Variants in SLC9B2 observed in about 807,000 individuals in gnomAD.
SLC9B2 encodes the protein solute carrier family 9 member B2, also known as sodium/hydrogen exchanger 9B2.
A neutral mutation model predicts 52.2 loss-of-function variants in SLC9B2; 39 were observed. That is an observed-to-expected ratio of 0.75 (90% confidence interval 0.58 to 0.98). The LOEUF (loss-of-function observed/expected upper bound fraction) is 0.98. Ranked by LOEUF, SLC9B2 falls within the 50% of genes least tolerant of loss-of-function variation. SLC9B2 has a pLI of 0.00. For missense variants in SLC9B2, 626 were observed against 637.5 expected, an observed-to-expected ratio of 0.98 and a Z score of 0.19; for synonymous variants, 214 against 227.0, an observed-to-expected ratio of 0.94 and a Z score of 0.51.
chr4:103,072,963 C>T (rs938723594), intron 1 of SLC9B2, among the ~76,000 whole-genome samples: 1 of 152,068 alleles, frequency 6.6e-6, no homozygotes, highest in African/African-American at 2.4e-5. Flanking sequence ...TCAAAGGGAG[C>T]AGCCTAGTCC....
At position 103,023,838 on chromosome 4, in the gene SLC9B2, T is replaced by C. The variant is rs1426795026; in HGVS notation, c.*2532A>G. 1.3e-5 allele frequency among the ~76,000 whole-genome samples: 2 copies of C among 152,192 alleles called. No homozygotes were observed. Among genetic ancestry groups the C allele is most frequent in the Non-Finnish European group, 2.9e-5 (2 of 68,030 alleles). ...AATTTTCCTAGGGGCCCTAAACATA[T>C]TCAATAGCATTCTGATTTAGTTATA... On this transcript the variant is annotated 3_prime_UTR_variant, in exon 12 of 12. Transcript: ENST00000394785.
chr4:103,046,347 T>C (rs1330849667), intron 7 of SLC9B2, among the ~76,000 whole-genome samples: 3 of 152,236 alleles, frequency 2.0e-5, no homozygotes, highest in Non-Finnish European at 4.4e-5. Flanking sequence ...AATAAAAGTG[T>C]TGAACTGCTT....
chr4:103,061,916 A>G (rs1399728405), intron 3 of SLC9B2, among the ~76,000 whole-genome samples: 1 of 152,152 alleles, frequency 6.6e-6, no homozygotes, highest in Non-Finnish European at 1.5e-5. Flanking sequence ...ACCCTCACAG[A>G]ATTGTTCCAG....
chr4:103,060,803 T>C (rs1261024488), intron 3 of SLC9B2, among the ~76,000 whole-genome samples: 1 of 152,220 alleles, frequency 6.6e-6, no homozygotes, highest in Non-Finnish European at 1.5e-5. Flanking sequence ...TCTGAAAATG[T>C]TTTTTGAAAA....
chr4:103,074,378 A>G (rs1278939808), intron 1 of SLC9B2, among the ~76,000 whole-genome samples: 1 of 152,176 alleles, frequency 6.6e-6, no homozygotes, highest in African/African-American at 2.4e-5. Context: ...AAGCATCCTA[A>G]CCAATATAAC....
At chr4:103,035,755 C>T (rs1438256136) in intron 9 of SLC9B2, among the ~76,000 whole-genome samples, 1 of 152,152 alleles carries the variant, frequency 6.6e-6, no homozygotes, top group Non-Finnish European at 1.5e-5. Flanking sequence ...CCATTTGACA[C>T]AGCCATTCCA....
chr4:103,060,983 A>G (rs1049752026), intron 3 of SLC9B2, among the ~76,000 whole-genome samples: 7 of 152,110 alleles, frequency 4.6e-5, no homozygotes, highest in Non-Finnish European at 1.0e-4. Context: ...TTGGCATCAC[A>G]CTGGGTTTCA....
In SLC9B2 at chr4:103,024,122, T is replaced by C. The variant is rs1380013578; in HGVS notation, c.*2248A>G. The stretch of plus-strand genomic sequence containing the variant: ...TGTAGTTCCTGCATAATAGCACTTA[T>C]CATATTGTTTTGCAATGTCTTGTTT... On this transcript the variant is annotated 3_prime_UTR_variant, in exon 12 of 12. Coordinates refer to ENST00000394785, the MANE Select transcript of SLC9B2 (RefSeq NM_178833.7). 6.6e-6 allele frequency among the ~76,000 whole-genome samples: 1 copy of C among 152,200 alleles called. No homozygotes were observed. Among genetic ancestry groups the C allele is most frequent in the Non-Finnish European group, 1.5e-5 (1 of 68,032 alleles).
At chr4:103,044,406 G>C (rs192969923) in intron 8 of SLC9B2, among the ~76,000 whole-genome samples, 1 of 152,158 alleles carries the variant, frequency 6.6e-6, no homozygotes. Flanking sequence ...ACTGATTTAT[G>C]TATGTGTGTA....
intron 1 of SLC9B2, among the ~76,000 whole-genome samples, chr4:103,071,644 T>C (rs1746649315): frequency 6.6e-6 from 1 of 152,154 alleles, no homozygotes; most frequent in Non-Finnish European, 1.5e-5. Flanking sequence ...CCCAAAGTGC[T>C]GGGATTACAG....
chr4:103,029,279 CTT>C (rs1214089953), intron 10 of SLC9B2, among the ~76,000 whole-genome samples: 2 of 152,086 alleles, frequency 1.3e-5, no homozygotes, highest in Non-Finnish European at 2.9e-5. Flanking sequence ...AATGTATAGA[CTT>C]TGCCTCAAAG....
At chr4:103,019,627 C>G, downstream of SLC9B2, 4 of 985,512 alleles carry the variant, frequency 4.1e-6, no homozygotes, top group Non-Finnish European at 4.8e-6. Context: ...CCCTCGCTGG[C>G]CCGGGAGCGG....
chr4:103,048,597 T>C (rs935097506), intron 6 of SLC9B2: 5 of 228,848 alleles, frequency 2.2e-5, no homozygotes, highest in African/African-American at 1.1e-4. Flanking sequence ...GTGTTTATTA[T>C]CCTTTGTGCA....
chr4:103,021,591 T>C (rs1741795356), downstream of SLC9B2, among the ~76,000 whole-genome samples: 1 of 152,150 alleles, frequency 6.6e-6, no homozygotes, highest in Admixed American at 6.5e-5. Flanking sequence ...GCAAAAGCTT[T>C]TGAGGAATAA....
At chr4:103,045,717 C>T (rs1429728781) in intron 7 of SLC9B2, among the ~76,000 whole-genome samples, 1 of 152,046 alleles carries the variant, frequency 6.6e-6, no homozygotes, top group African/African-American at 2.4e-5. Context: ...CTTTCTCCTC[C>T]CACCACCATG....
rs182618058 is a variant in SLC9B2 at position 103,032,611 on chromosome 4, G to A, written c.1147-803C>T. Among the ~76,000 whole-genome samples, 15 of 152,236 alleles carry A rather than the reference G, an allele frequency of 9.9e-5. 1 individual carries two copies. Among genetic ancestry groups the A allele is most frequent in the Admixed American group, 7.9e-4 (12 of 15,286 alleles). ...TCTTCCTAGCAAGATCTTATAGCAT[G>A]CACTGGTGGCCTTAGCTCTAGGTTC... On this transcript the variant is annotated intron_variant, in intron 9 of 11. Coordinates refer to ENST00000394785, the MANE Select transcript of SLC9B2 (RefSeq NM_178833.7).
At chr4:103,027,165 C>A (rs539367135) in intron 11 of SLC9B2, among the ~76,000 whole-genome samples, 1 of 152,188 alleles carries the variant, frequency 6.6e-6, no homozygotes, top group Admixed American at 6.5e-5. Flanking sequence ...AAACACAAAG[C>A]AAATCCAGAA....
At chr4:103,046,385 C>A (rs1253400703) in intron 7 of SLC9B2, among the ~76,000 whole-genome samples, 2 of 152,150 alleles carry the variant, frequency 1.3e-5, no homozygotes, top group African/African-American at 2.4e-5. Context: ...ATCAAGCGTA[C>A]TATCTGTTCA....
At chr4:103,070,503 T>C (rs532228557) in intron 1 of SLC9B2, among the ~76,000 whole-genome samples, 3 of 152,350 alleles carry the variant, frequency 2.0e-5, no homozygotes, top group Non-Finnish European at 4.4e-5. Context: ...TGCAGTGGCA[T>C]GATCCTAGCT....
Sources: gnomAD v4.1 joint callset for allele counts (sites outside exome capture counted in the v4.1 genomes callset) on GRCh38, gnomAD v4.1.1 for gene constraint, MANE v1.5 for transcripts, NCBI Gene and HGNC (gene_info 2026-07-23, HGNC 2026-07-21) for gene names.